USP24: variants seen among roughly 807,000 people sequenced by gnomAD.
The protein encoded by USP24 is ubiquitin carboxyl-terminal hydrolase 24.
USP24 carries 97 observed loss-of-function variants against 361.6 expected under a neutral mutation model. That is an observed-to-expected ratio of 0.27 (90% CI 0.23 to 0.32). The LOEUF (loss-of-function observed/expected upper bound fraction) is 0.32. USP24 is among the 10% of genes least tolerant of loss of function. The pLI is 1.00. For synonymous variants in USP24, 1,098 were observed against 1,124.6 expected (o/e 0.98, Z 0.47); for missense variants, 2,353 against 3,165.6 (o/e 0.74, Z 6.16).
At chr1:55,090,801 G>C (rs564229661) in intron 54 of USP24, among the ~76,000 whole-genome samples, 1 of 152,152 alleles carries the variant, frequency 6.6e-6, no homozygotes, top group African/African-American at 2.4e-5. Flanking sequence ...AACCGATGAC[G>C]AGGCCAGGCA....
chr1:55,096,952 C>A lies in USP24; in HGVS notation c.5936G>T (p.Arg1979Leu). The change falls in exon 49 of 68, where the codon CGA (arginine) becomes CTA (leucine). Residue 1979 changes from arginine to leucine, a missense_variant and splice_region_variant. Arg to Leu is a moderately radical substitution (Grantham distance 102, BLOSUM62 -2). Transcript: ENST00000294383. Reference protein sequence around the residue: ...GHYYSFIKDRRGCGKGKWYKF... With the variant: ...GHYYSFIKDRLGCGKGKWYKF... ...AAGTGCTGCCTCAGGAAACTCTTAC[C>A]GCCTGTCCTTAATGAAGGAATAGTA... 6.2e-7 allele frequency: 1 copy of A among 1,612,718 alleles called. No individual in the cohort carries two copies. Among genetic ancestry groups the A allele is most frequent in the Non-Finnish European group, 8.5e-7 (1 of 1,179,314 alleles).
intron 38 of USP24, among the ~76,000 whole-genome samples, 199 bp from the exon 39 acceptor site, chr1:55,110,445 G>T (rs571224418): frequency 6.6e-6 from 1 of 152,080 alleles, no homozygotes; most frequent in Non-Finnish European, 1.5e-5. Context: ...CAGAAATAAC[G>T]GTGTAAAGAG....
intron 56 of USP24, among the ~76,000 whole-genome samples, chr1:55,085,133 G>A (rs1187223829): frequency 1.3e-5 from 2 of 152,212 alleles, no homozygotes; most frequent in Non-Finnish European, 2.9e-5. Flanking sequence ...CAAAACCACT[G>A]CCTTACAGTA....
intron 16 of USP24, among the ~76,000 whole-genome samples, chr1:55,150,915 T>C (rs1405096042): frequency 3.3e-5 from 5 of 152,210 alleles, no homozygotes; most frequent in African/African-American, 1.2e-4. Context: ...GATGTCTAAA[T>C]TGGACTCAAC....
chr1:55,195,584 C>T (rs999343695), intron 1 of USP24, among the ~76,000 whole-genome samples: 8 of 152,034 alleles, frequency 5.3e-5, no homozygotes, highest in African/African-American at 1.2e-4. Flanking sequence ...AAGAGTATTA[C>T]GAAAGTACAT....
At chr1:55,206,142 TG>T (rs1644696869) in intron 1 of USP24, among the ~76,000 whole-genome samples, 2 of 152,222 alleles carry the variant, frequency 1.3e-5, no homozygotes, top group African/African-American at 4.8e-5. Flanking sequence ...AGATTTTCTT[TG>T]CATCCAACCA....
At chr1:55,176,716 C>T (rs1259960752) in intron 2 of USP24, among the ~76,000 whole-genome samples, 1 of 152,176 alleles carries the variant, frequency 6.6e-6, no homozygotes, top group Non-Finnish European at 1.5e-5. Flanking sequence ...AATGATTGAA[C>T]TTACATTTCC....
At chr1:55,074,133 A>C (rs1644977363) in intron 63 of USP24, among the ~76,000 whole-genome samples, 1 of 150,832 alleles carries the variant, frequency 6.6e-6, no homozygotes, top group Non-Finnish European at 1.5e-5. Context: ...AAAAAACCAC[A>C]ACAAAAAAAA....
At chr1:55,196,110 A>C (rs375230331) in intron 1 of USP24, among the ~76,000 whole-genome samples, 8 of 152,198 alleles carry the variant, frequency 5.3e-5, no homozygotes, top group African/African-American at 1.9e-4. Flanking sequence ...TACCGGACCC[A>C]TCAGCAATAT....
chr1:55,133,525 T>TA (rs1225573350), intron 30 of USP24, among the ~76,000 whole-genome samples: 1 of 152,176 alleles, frequency 6.6e-6, no homozygotes, highest in Non-Finnish European at 1.5e-5. Flanking sequence ...TAGATGGTAC[T>TA]AAAGGCTCTT....
intron 27 of USP24, 58 bp from the exon 28 acceptor site, chr1:55,137,746 C>A: frequency 6.4e-7 from 1 of 1,559,788 alleles, no homozygotes. Context: ...TTATTCATAT[C>A]AGGCTAAATA....
At chr1:55,073,583 C>G (rs767155734) in intron 64 of USP24, among the ~76,000 whole-genome samples, 9 of 152,192 alleles carry the variant, frequency 5.9e-5, no homozygotes, top group Admixed American at 1.3e-4. Flanking sequence ...CTGATTCCTG[C>G]CTTTCTGACA....
At chr1:55,098,422 A>C (rs1056228410) in intron 46 of USP24, 54 bp downstream of exon 46, 1 of 1,492,194 alleles carries the variant, frequency 6.7e-7, no homozygotes, top group Non-Finnish European at 9.2e-7. Context: ...CATACTAAAC[A>C]AATCACTTCA....
rs201685422 is a variant in USP24 at position 55,147,707 on chromosome 1, G to A, written c.2060C>T (p.Ala687Val). Residue 687 changes from alanine (A) to valine (V), a missense_variant, in exon 18 of 68, where the codon GCC becomes GTC. Coordinates refer to ENST00000294383, the MANE Select transcript of USP24 (RefSeq NM_015306.3). ...CGAGCCACTTAAGCCTCCAGGCCCG[G>A]CCACAGCAGCTGCAAGCCGATGACA... Reference protein sequence around the residue: ...IACHRLAAAVAGPGGLSGSTL... With the variant: ...IACHRLAAAVVGPGGLSGSTL... The A allele has an allele frequency of 1.2e-3, 1,896 of 1,611,780 alleles. 3 individuals are homozygous for A. The highest frequency in any genetic ancestry group is 1.3e-3 in the Non-Finnish European group (1,566 of 1,178,994).
intron 32 of USP24, among the ~76,000 whole-genome samples, chr1:55,126,495 T>A (rs998437934): frequency 6.6e-6 from 1 of 152,256 alleles, no homozygotes; most frequent in South Asian, 2.1e-4. Context: ...GTAAGCTTCA[T>A]GAGGATGTGG....
At chr1:55,106,628 A>C (rs1645781312) in intron 40 of USP24, among the ~76,000 whole-genome samples, 1 of 152,200 alleles carries the variant, frequency 6.6e-6, no homozygotes. Context: ...GGTTTCTGAA[A>C]CTTTTAAAAT....
Position 55,185,872 on chromosome 1 carries a change from A to G in USP24, c.325-7740T>C, listed in dbSNP as rs185372729. Among the ~76,000 whole-genome samples, 481 of 152,320 alleles carry G rather than the reference A, an allele frequency of 3.2e-3. 3 individuals carry two copies. Among genetic ancestry groups the G allele is most frequent in the African/African-American group, 0.011 (468 of 41,564 alleles). On this transcript the variant is annotated intron_variant, in intron 1 of 67. Transcript: ENST00000294383. Reference sequence around the variant, plus strand: ...GTGTGAGCCACCTCGCCAGGCCAAGAAAACATTACCACTGACCTTACAGAA... The same window carrying G: ...GTGTGAGCCACCTCGCCAGGCCAAGGAAACATTACCACTGACCTTACAGAA...
At chr1:55,116,803 C>T (rs972537002) in intron 38 of USP24, among the ~76,000 whole-genome samples, 4 of 152,240 alleles carry the variant, frequency 2.6e-5, no homozygotes, top group Non-Finnish European at 4.4e-5. Flanking sequence ...TTCTCAAGCT[C>T]TTTCAAAAAA....
intron 38 of USP24, among the ~76,000 whole-genome samples, chr1:55,117,742 CAAAAAA>C (rs58149121): frequency 1.0e-4 from 7 of 66,846 alleles, no homozygotes; most frequent in East Asian, 4.5e-4. Flanking sequence ...GACTCCGTCT[CAAAAAA>C]AAAAAAAAAA....
Sources: allele counts gnomAD v4.1 joint callset (sites outside exome capture counted in the v4.1 genomes callset), GRCh38; gene constraint gnomAD v4.1.1; transcripts MANE v1.5; gene names NCBI Gene and HGNC (gene_info 2026-07-23, HGNC 2026-07-21).